MYO16: variants seen among roughly 807,000 people sequenced by gnomAD.
MYO16 encodes the protein unconventional myosin-XVI.
A neutral mutation model predicts 205.3 loss-of-function variants in MYO16; 94 were observed. That is an observed-to-expected ratio of 0.46 (90% CI 0.39 to 0.54). The LOEUF (loss-of-function observed/expected upper bound fraction) is 0.54. Ranked by LOEUF, MYO16 falls within the 20% of genes least tolerant of loss-of-function variation. The pLI, the probability that MYO16 is intolerant of heterozygous loss-of-function variation, is 0.00. For synonymous variants in MYO16, 988 were observed against 954.0 expected (o/e 1.04, Z -0.66); for missense variants, 2,315 against 2,387.5 (o/e 0.97, Z 0.63).
At chr13:108,892,108 A>G (rs1409711571) in intron 14 of MYO16, among the ~76,000 whole-genome samples, 1 of 152,178 alleles carries the variant, frequency 6.6e-6, no homozygotes, top group African/African-American at 2.4e-5. Flanking sequence ...CTGATTCTGT[A>G]GACTTTTCTC....
intron 1 of MYO16, among the ~76,000 whole-genome samples, chr13:108,636,405 G>GTC (rs1880253093): frequency 2.3e-5 from 3 of 132,858 alleles, no homozygotes; most frequent in Non-Finnish European, 4.6e-5. Flanking sequence ...GTGTGTGTGT[G>GTC]TGTCTTGCTC....
chr13:109,026,959 A>G (rs574101809), intron 23 of MYO16, among the ~76,000 whole-genome samples: 1 of 152,338 alleles, frequency 6.6e-6, no homozygotes, highest in South Asian at 2.1e-4. Flanking sequence ...GTGATTCATC[A>G]AAGATTGTAC....
chr13:109,136,341 C>T (rs1166084816), intron 31 of MYO16, among the ~76,000 whole-genome samples: 1 of 152,140 alleles, frequency 6.6e-6, no homozygotes, highest in Non-Finnish European at 1.5e-5. Context: ...GATCTGCCCG[C>T]CTCGGCCTCC....
intron 16 of MYO16, among the ~76,000 whole-genome samples, chr13:108,922,776 A>G (rs2139268604): frequency 6.6e-6 from 1 of 152,324 alleles, no homozygotes; most frequent in South Asian, 2.1e-4. Context: ...ATCTGAAATG[A>G]CCTTCTATGC....
intron 9 of MYO16, among the ~76,000 whole-genome samples, chr13:108,831,662 AC>A (rs1211367046): frequency 2.0e-5 from 3 of 152,184 alleles, no homozygotes; most frequent in Non-Finnish European, 1.5e-5. Flanking sequence ...ACAGGCATCC[AC>A]CACCACACCC....
At chr13:108,795,210 T>TTA (rs1555299449) in intron 6 of MYO16, among the ~76,000 whole-genome samples, 1 of 151,206 alleles carries the variant, frequency 6.6e-6, no homozygotes, top group South Asian at 2.1e-4. Context: ...TTTTTTTTTT[T>TTA]AAATGGAATC....
At chr13:108,748,926 T>G (rs760755593) in intron 4 of MYO16, among the ~76,000 whole-genome samples, 1 of 152,144 alleles carries the variant, frequency 6.6e-6, no homozygotes, top group African/African-American at 2.4e-5. Flanking sequence ...GATAGGTTTT[T>G]ATGTATATGC....
At chr13:109,069,025 A>G (rs1393456108) in intron 27 of MYO16, among the ~76,000 whole-genome samples, 1 of 152,188 alleles carries the variant, frequency 6.6e-6, no homozygotes, top group Non-Finnish European at 1.5e-5. Context: ...CCTTGCCCTG[A>G]CACATTGTCC....
rs1287239251 is a variant in MYO16 at position 109,140,810 on chromosome 13, T to C, written c.4598T>C (p.Leu1533Pro). The C allele has an allele frequency of 6.4e-7, 1 of 1,554,568 alleles. No homozygotes were observed. The highest frequency in any genetic ancestry group is 8.7e-7 in the Non-Finnish European group (1 of 1,156,014). Reference protein sequence around the residue: ...TCSPASDESPLTPLEVKKLPV... With the variant: ...TCSPASDESPPTPLEVKKLPV... ...TCCCCCGCCTCCGACGAGTCGCCCC[T>C]GACACCCCTGGAGGTGAAGAAGCTG... The change falls in exon 32 of 35, where the codon CTG becomes CCG. Residue 1533 changes from leucine (L) to proline (P), a missense_variant. Around this residue, in one of 3 missense-constraint regions of MYO16, gnomAD observed 1,097 missense variants for 1,092.0 expected, o/e 1.00. Coordinates refer to ENST00000457511, the MANE Select transcript of MYO16 (RefSeq NM_001198950.3). The surrounding 1 kb of genome is among the most constrained non-coding windows in gnomAD (Gnocchi z 8.0).
At chr13:108,718,323 C>A (rs1884028557) in intron 3 of MYO16, among the ~76,000 whole-genome samples, 1 of 152,024 alleles carries the variant, frequency 6.6e-6, no homozygotes, top group African/African-American at 2.4e-5. Flanking sequence ...AACTCCAAGC[C>A]CCTTTTTTGC....
At chr13:108,845,039 T>C (rs1566365417) in intron 10 of MYO16, among the ~76,000 whole-genome samples, 3 of 152,152 alleles carry the variant, frequency 2.0e-5, no homozygotes, top group Non-Finnish European at 4.4e-5. Context: ...CTTGGAGTTA[T>C]GGCAATTAAT....
At chr13:108,654,818 G>A (rs779677551) in intron 1 of MYO16, among the ~76,000 whole-genome samples, 6 of 152,164 alleles carry the variant, frequency 3.9e-5, no homozygotes, top group East Asian at 3.9e-4. Context: ...CTCTTGCTAC[G>A]TTTTAGCAAA....
intron 1 of MYO16, among the ~76,000 whole-genome samples, chr13:108,638,166 G>A (rs1455526335): frequency 6.6e-6 from 1 of 152,152 alleles, no homozygotes. Context: ...AGTCAGCAAC[G>A]TGAAGACCTG....
intron 27 of MYO16, among the ~76,000 whole-genome samples, chr13:109,076,395 C>A (rs1267577631): frequency 1.3e-5 from 2 of 152,140 alleles, no homozygotes; most frequent in African/African-American, 4.8e-5. Context: ...AAACTTCCCT[C>A]TGTTTGTTGA....
intron 27 of MYO16, among the ~76,000 whole-genome samples, chr13:109,058,862 C>T (rs1339755646): frequency 1.3e-5 from 2 of 152,178 alleles, no homozygotes; most frequent in Admixed American, 6.5e-5. Context: ...TGAACTCTTA[C>T]CACTGCTTTA....
chr13:108,714,588 GTGTC>G (rs1181320729), intron 3 of MYO16, among the ~76,000 whole-genome samples: 208 of 104,510 alleles, frequency 2.0e-3, no homozygotes, highest in African/African-American at 6.4e-3. Flanking sequence ...TCACGTGTGT[GTGTC>G]TGTGTGTGTG....
intron 15 of MYO16, among the ~76,000 whole-genome samples, chr13:108,900,716 C>A (rs9555529): frequency 0.2 from 30,528 of 151,904 alleles, 3,830 homozygotes; most frequent in East Asian, 0.67. Flanking sequence ...GTTAACTGTA[C>A]GAATTGTTTG....
Position 109,182,941 on chromosome 13 carries a change from C to T in MYO16, c.5415+3308C>T, listed in dbSNP as rs562490517. On this transcript the variant is annotated intron_variant, in intron 34 of 34. Coordinates refer to ENST00000457511, the MANE Select transcript of MYO16 (RefSeq NM_001198950.3). ...CATGGGGCTGTGTTCCTTTGCACTT[C>T]CCAAGCACTGGGCATGAATAAAACT... 6.6e-5 allele frequency among the ~76,000 whole-genome samples: 10 copies of T among 152,282 alleles called. No homozygotes were observed. The East Asian group carries it at 1.9e-3, about 29-fold the overall frequency.
chr13:108,892,441 A>G (rs144146012), intron 14 of MYO16, among the ~76,000 whole-genome samples: 4 of 152,214 alleles, frequency 2.6e-5, no homozygotes, highest in African/African-American at 9.6e-5. Context: ...GGGTTGCACC[A>G]TGTTGGCCAG....
Sources: allele counts gnomAD v4.1 joint callset (sites outside exome capture counted in the v4.1 genomes callset), GRCh38; gene constraint gnomAD v4.1.1; regional missense constraint gnomAD v4.1.1; non-coding constraint Gnocchi (gnomAD v3.1); transcripts MANE v1.5; gene names NCBI Gene and HGNC (gene_info 2026-07-23, HGNC 2026-07-21).